The following PEX5L variants were observed in gnomAD, a reference collection of about 807,000 sequenced individuals.
PEX5L encodes PEX5-related protein.
A neutral mutation model predicts 84.0 loss-of-function variants in PEX5L; 30 were observed. The observed-to-expected ratio is 0.36, with a 90% CI of 0.27 to 0.48. The LOEUF (loss-of-function observed/expected upper bound fraction) is 0.48. Among genes scored for constraint, PEX5L ranks in the 20% least tolerant of loss-of-function variants. The pLI, the probability that PEX5L is intolerant of heterozygous loss-of-function variation, is 0.99. For missense variants in PEX5L, 533 were observed against 754.6 expected (o/e 0.71, Z 3.44); for synonymous variants, 270 against 283.1 (o/e 0.95, Z 0.46).
At chr3:179,850,662 A>G (rs1478596970) in intron 8 of PEX5L, among the ~76,000 whole-genome samples, 4 of 152,212 alleles carry the variant, frequency 2.6e-5, no homozygotes, top group Admixed American at 1.3e-4. Flanking sequence ...AACATGACAA[A>G]CCAATCTTTA....
intron 1 of PEX5L, among the ~76,000 whole-genome samples, chr3:179,972,789 G>A (rs539987556): frequency 1.2e-4 from 18 of 149,872 alleles, no homozygotes; most frequent in Admixed American, 4.0e-4. Context: ...TTTTTTTCCC[G>A]CAAAAACATA....
At chr3:180,000,432 A>T (rs755900061) in intron 1 of PEX5L, among the ~76,000 whole-genome samples, 1 of 152,174 alleles carries the variant, frequency 6.6e-6, no homozygotes. Context: ...CAACAGCCCA[A>T]TCCAGGCAGG....
At chr3:179,986,974 T>A (rs1226173985) in intron 1 of PEX5L, among the ~76,000 whole-genome samples, 1 of 152,180 alleles carries the variant, frequency 6.6e-6, no homozygotes, top group African/African-American at 2.4e-5. Flanking sequence ...AGACATGTAA[T>A]GGAATAAGTA....
chr3:179,885,648 A>G (rs1358190150), intron 4 of PEX5L, among the ~76,000 whole-genome samples: 1 of 144,692 alleles, frequency 6.9e-6, no homozygotes, highest in African/African-American at 2.5e-5. Context: ...TCCGTCTCAG[A>G]AAAAAAAAAA....
intron 2 of PEX5L, among the ~76,000 whole-genome samples, chr3:179,936,841 C>G (rs13325892): frequency 0.019 from 2,019 of 105,690 alleles, 655 homozygotes; most frequent in African/African-American, 0.069. Flanking sequence ...ATGGCTATCA[C>G]CACTATCTTC....
intron 2 of PEX5L, among the ~76,000 whole-genome samples, chr3:179,898,700 CTT>C (rs34682975): frequency 0.085 from 12,859 of 152,048 alleles, 746 homozygotes; most frequent in Non-Finnish European, 0.13. Flanking sequence ...TCTCTGGAGT[CTT>C]TGCCATTTTT....
Position 179,813,298 on chromosome 3 carries a change from C to G in PEX5L, c.1084-1427G>C, listed in dbSNP as rs559569945. 1.2e-4 allele frequency among the ~76,000 whole-genome samples: 18 copies of G among 152,218 alleles called. No individual in the cohort carries two copies. In the South Asian group the frequency reaches 3.5e-3, roughly 30 times the overall value. On this transcript the variant is annotated intron_variant, in intron 10 of 14. Coordinates refer to ENST00000467460, the MANE Select transcript of PEX5L (RefSeq NM_016559.3). The stretch of plus-strand genomic sequence containing the variant: ...GAATTTGTTAGTTACCACAGGCCCT[C>G]ATTTTCTTATTTATGAATCTGAGAT...
At chr3:180,032,460 T>G (rs1332720065) in intron 1 of PEX5L, among the ~76,000 whole-genome samples, 1 of 151,998 alleles carries the variant, frequency 6.6e-6, no homozygotes, top group Non-Finnish European at 1.5e-5. Context: ...CCTCTGAAAA[T>G]GTGTGTATGT....
chr3:179,812,149 T>C (rs1459741463), intron 10 of PEX5L, among the ~76,000 whole-genome samples: 1 of 152,200 alleles, frequency 6.6e-6, no homozygotes, highest in Non-Finnish European at 1.5e-5. Flanking sequence ...GATTTCGTTA[T>C]ATTAGGTATC....
intron 1 of PEX5L, chr3:179,974,242 C>G: frequency 1.0e-6 from 1 of 969,390 alleles, no homozygotes; most frequent in Non-Finnish European, 1.2e-6. Context: ...GAAAGCTAAT[C>G]TCTCCACCTT....
At chr3:179,979,990 C>A (rs1164751897) in intron 1 of PEX5L, among the ~76,000 whole-genome samples, 1 of 152,078 alleles carries the variant, frequency 6.6e-6, no homozygotes, top group Non-Finnish European at 1.5e-5. Flanking sequence ...GATTTTATGA[C>A]CTTGCAAACT....
chr3:179,953,844 G>A (rs1779756890), intron 2 of PEX5L, among the ~76,000 whole-genome samples: 1 of 152,102 alleles, frequency 6.6e-6, no homozygotes, highest in South Asian at 2.1e-4. Flanking sequence ...CATAATGGAA[G>A]GAGTGAAAGA....
intron 1 of PEX5L, among the ~76,000 whole-genome samples, chr3:180,003,390 A>AT (rs929042014): frequency 6.6e-6 from 1 of 152,078 alleles, no homozygotes; most frequent in African/African-American, 2.4e-5. Flanking sequence ...GCACTAAAAA[A>AT]AAGAAAAAAA....
At chr3:179,997,874 A>G (rs1162635710) in intron 1 of PEX5L, among the ~76,000 whole-genome samples, 1 of 152,230 alleles carries the variant, frequency 6.6e-6, no homozygotes, top group Non-Finnish European at 1.5e-5. Context: ...TGGCAAGACA[A>G]GCAATATACC....
At chr3:180,035,101 AAATG>A (rs1389361929) in intron 1 of PEX5L, among the ~76,000 whole-genome samples, 1 of 152,198 alleles carries the variant, frequency 6.6e-6, no homozygotes, top group Non-Finnish European at 1.5e-5. Context: ...AATTTTGTGT[AAATG>A]AACAATTTTT....
chr3:179,958,365 C>T (rs781277657), intron 2 of PEX5L, among the ~76,000 whole-genome samples: 4 of 152,120 alleles, frequency 2.6e-5, no homozygotes, highest in Non-Finnish European at 5.9e-5. Context: ...GGTTGTGCAA[C>T]ACAGCAGCCC....
chr3:179,959,763 C>G (rs1471279292), intron 2 of PEX5L, among the ~76,000 whole-genome samples: 1 of 152,202 alleles, frequency 6.6e-6, no homozygotes, highest in Non-Finnish European at 1.5e-5. Flanking sequence ...ATGTCACCAG[C>G]ATTCCCTGAC....
intron 2 of PEX5L, among the ~76,000 whole-genome samples, chr3:179,970,647 C>T (rs1784480774): frequency 6.6e-6 from 1 of 152,144 alleles, no homozygotes; most frequent in South Asian, 2.1e-4. Flanking sequence ...CTGGTTGCTA[C>T]CTTCTGATGG....
At chr3:179,848,733 A>G (rs1740627812) in intron 8 of PEX5L, among the ~76,000 whole-genome samples, 1 of 152,158 alleles carries the variant, frequency 6.6e-6, no homozygotes, top group Admixed American at 6.6e-5. Flanking sequence ...TTGCCAATCA[A>G]AATGCCCTCA....
Sources: gnomAD v4.1 joint callset for allele counts (sites outside exome capture counted in the v4.1 genomes callset) on GRCh38, gnomAD v4.1.1 for gene constraint, MANE v1.5 for transcripts, NCBI Gene and HGNC (gene_info 2026-07-23, HGNC 2026-07-21) for gene names.